SESTD1: variants seen among roughly 807,000 people sequenced by gnomAD.
The protein encoded by SESTD1 is SEC14 domain and spectrin repeat-containing protein 1.
In SESTD1, 43 loss-of-function variants were observed where a neutral mutation model predicts 101.7. The observed-to-expected ratio is 0.42, with a 90% CI of 0.33 to 0.55. The LOEUF is 0.55. Ranked by LOEUF, SESTD1 falls within the 20% of genes least tolerant of loss-of-function variation. The pLI is 0.07. For missense variants in SESTD1, 647 were observed against 815.1 expected, an observed-to-expected ratio of 0.79 and a Z score of 2.51; for synonymous variants, 283 against 286.8, an observed-to-expected ratio of 0.99 and a Z score of 0.13.
chr2:179,257,466 AC>A (rs2047415179), intron 1 of SESTD1, among the ~76,000 whole-genome samples: 2 of 152,340 alleles, frequency 1.3e-5, no homozygotes, highest in African/African-American at 4.8e-5. Context: ...TGTGAACATA[AC>A]TTTTATATGC....
intron 5 of SESTD1, among the ~76,000 whole-genome samples, chr2:179,162,075 T>G (rs964756830): frequency 1.3e-5 from 2 of 152,182 alleles, no homozygotes; most frequent in Admixed American, 1.3e-4. Context: ...ATGTATCAAT[T>G]ATCAGTGACT....
intron 1 of SESTD1, among the ~76,000 whole-genome samples, chr2:179,219,109 C>G (rs2046767493): frequency 6.6e-6 from 1 of 152,056 alleles, no homozygotes; most frequent in Non-Finnish European, 1.5e-5. Context: ...ACATAAGTTG[C>G]TGGATGCCAA....
chr2:179,188,876 T>C (rs2046276585), intron 2 of SESTD1, among the ~76,000 whole-genome samples: 1 of 151,976 alleles, frequency 6.6e-6, no homozygotes, highest in Non-Finnish European at 1.5e-5. Flanking sequence ...GGTTGAATCA[T>C]AAAGAAACTG....
chr2:179,223,951 T>A (rs75186220), intron 1 of SESTD1, among the ~76,000 whole-genome samples: 1,598 of 152,204 alleles, frequency 0.01, 26 homozygotes, highest in African/African-American at 0.037. Flanking sequence ...ACATCCAAGG[T>A]TTGAGTAAAG....
chr2:179,115,900 A>G (rs774371207), intron 15 of SESTD1, among the ~76,000 whole-genome samples: 4 of 152,202 alleles, frequency 2.6e-5, no homozygotes, highest in Non-Finnish European at 5.9e-5. Context: ...ACTACTTTCA[A>G]AAGTAGGTGA....
intron 1 of SESTD1, among the ~76,000 whole-genome samples, chr2:179,244,864 C>T (rs113010479): frequency 3.9e-5 from 6 of 152,276 alleles, no homozygotes; most frequent in African/African-American, 1.4e-4. Context: ...ACAGGAAACA[C>T]TGTAAGATGA....
chr2:179,262,591 A>G (rs1464452786), intron 1 of SESTD1, among the ~76,000 whole-genome samples: 1 of 152,226 alleles, frequency 6.6e-6, no homozygotes, highest in Admixed American at 6.5e-5. Context: ...TATTTTTAGT[A>G]AAGTAAAACT....
rs1340081367 is a variant in SESTD1 at position 179,176,442 on chromosome 2, A to T, written c.255+6T>A. 6.2e-7 allele frequency: 1 copy of T among 1,610,690 alleles called. No homozygotes were observed. The highest frequency in any genetic ancestry group is 8.5e-7 in the Non-Finnish European group (1 of 1,178,344). ...ACCATTTCCTGATAGACAAAACCAAAATTACCTGTAGCATTACGACTACTG... is the reference window on the plus strand; with the variant it reads ...ACCATTTCCTGATAGACAAAACCAATATTACCTGTAGCATTACGACTACTG... On this transcript the variant is annotated splice_donor_region_variant and intron_variant, in intron 4 of 17. Transcript: ENST00000428443.
At chr2:179,136,948 A>AAC (rs2045159203) in intron 9 of SESTD1, among the ~76,000 whole-genome samples, 1 of 152,212 alleles carries the variant, frequency 6.6e-6, no homozygotes, top group Non-Finnish European at 1.5e-5. Flanking sequence ...CTTAGTATAC[A>AAC]ACATCAGTAA....
intron 1 of SESTD1, among the ~76,000 whole-genome samples, chr2:179,194,478 A>AC (rs2046361432): frequency 6.6e-6 from 1 of 151,916 alleles, no homozygotes; most frequent in African/African-American, 2.4e-5. Context: ...GCTTCCCTCT[A>AC]CCTCACTTGG....
Position 179,103,536 on chromosome 2 carries a change from T to A in SESTD1, c.*6363A>T, listed in dbSNP as rs546201247. On this transcript the variant is annotated 3_prime_UTR_variant, in exon 18 of 18. Transcript: ENST00000428443. The stretch of plus-strand genomic sequence containing the variant: ...TGGCCAATCCTGGAAACAGCCCAGG[T>A]ATCTATCAATAATAGGAAATTAAGA... The A allele has an allele frequency of 2.0e-5, 3 of 152,200 alleles. No homozygotes were observed. In the South Asian group the frequency reaches 6.2e-4, roughly 32 times the overall value. 9.4% of individuals were successfully genotyped at this position (152,200 alleles called of 1,614,324 possible). A position where few individuals can be genotyped will look rare whatever the true frequency, so the allele number is the denominator to read the frequency against.
chr2:179,176,604 TAAA>T, intron 3 of SESTD1, 66 bp from the exon 4 acceptor site: 1 of 1,331,956 alleles, frequency 7.5e-7, no homozygotes, highest in East Asian at 2.4e-5. Flanking sequence ...TAATTCTAAA[TAAA>T]GAAGGTTTAA....
chr2:179,140,733 C>T (rs1180244241), intron 9 of SESTD1, among the ~76,000 whole-genome samples: 1 of 152,212 alleles, frequency 6.6e-6, no homozygotes, highest in Non-Finnish European at 1.5e-5. Context: ...TCCACTGTTG[C>T]TCTTGGCCTT....
At chr2:179,169,341 A>T (rs1167882285) in intron 5 of SESTD1, among the ~76,000 whole-genome samples, 1 of 152,200 alleles carries the variant, frequency 6.6e-6, no homozygotes, top group African/African-American at 2.4e-5. Context: ...ATATAGTATC[A>T]GGAATAAAAA....
chr2:179,167,189 T>C (rs1290255745), intron 5 of SESTD1, among the ~76,000 whole-genome samples: 2 of 152,050 alleles, frequency 1.3e-5, no homozygotes, highest in African/African-American at 4.8e-5. Context: ...AGCAAAGAGA[T>C]AGAAACTCTA....
At chr2:179,251,419 G>A (rs946797904) in intron 1 of SESTD1, among the ~76,000 whole-genome samples, 2 of 152,178 alleles carry the variant, frequency 1.3e-5, no homozygotes, top group African/African-American at 4.8e-5. Flanking sequence ...GGTCACATAG[G>A]GGTGGATGAA....
At chr2:179,123,237 C>T (rs920366550) in intron 12 of SESTD1, among the ~76,000 whole-genome samples, 11 of 152,156 alleles carry the variant, frequency 7.2e-5, no homozygotes, top group African/African-American at 2.7e-4. Context: ...ATGTACCCCA[C>T]TCCTTGGAGA....
rs565126215 is a variant in SESTD1 at position 179,197,219 on chromosome 2, A to G, written c.-25-5353T>C. Among the ~76,000 whole-genome samples, 5 of 152,274 alleles carry G rather than the reference A, an allele frequency of 3.3e-5. 1 individual carries two copies. In the South Asian group the frequency reaches 1.0e-3, roughly 32 times the overall value. On this transcript the variant is annotated intron_variant, in intron 1 of 17. Coordinates refer to ENST00000428443, the MANE Select transcript of SESTD1 (RefSeq NM_178123.5). ...GAAGAAAGGGTATCAGCTATGGAAA[A>G]TGAAATGAATGAAATGAAGCGAGAA...
At chr2:179,132,695 GCTT>G (rs1290610056) in intron 9 of SESTD1, among the ~76,000 whole-genome samples, 1 of 152,196 alleles carries the variant, frequency 6.6e-6, no homozygotes, top group Admixed American at 6.5e-5. Flanking sequence ...AATCTGGAAT[GCTT>G]CTATAAAAGA....
Sources: gnomAD v4.1 joint callset for allele counts (sites outside exome capture counted in the v4.1 genomes callset) on GRCh38, gnomAD v4.1.1 for gene constraint, MANE v1.5 for transcripts, NCBI Gene and HGNC (gene_info 2026-07-23, HGNC 2026-07-21) for gene names.